The following WAC variants were observed in gnomAD, a reference collection of about 807,000 sequenced individuals.
The protein encoded by WAC is WW domain containing adaptor with coiled-coil, also known as WW domain-containing adapter protein with coiled-coil.
A neutral mutation model predicts 79.6 loss-of-function variants in WAC; 11 were observed. That is an observed-to-expected ratio of 0.14 (90% confidence interval 0.09 to 0.23). WAC has a LOEUF of 0.23. Among genes scored for constraint, WAC ranks in the 10% least tolerant of loss-of-function variants. WAC has a pLI of 1.00. For missense variants in WAC, 728 were observed against 773.5 expected (o/e 0.94, Z 0.70); for synonymous variants, 304 against 276.9 (o/e 1.10, Z -0.97).
chr10:28,566,829 G>A (rs1386296388), intron 3 of WAC, among the ~76,000 whole-genome samples: 2 of 152,152 alleles, frequency 1.3e-5, no homozygotes, highest in Non-Finnish European at 2.9e-5. Flanking sequence ...ATGAGGACAT[G>A]TGTCAGTTTT....
rs1406231243 is a variant in WAC, at chr10:28,534,012, G to A, written c.56G>A (p.Arg19Lys). The A allele has an allele frequency of 1.2e-6, 2 of 1,601,444 alleles. No individual in the cohort carries two copies. Among genetic ancestry groups the A allele is most frequent in the Admixed American group, 1.7e-5 (1 of 58,914 alleles). The change falls in exon 2 of 14, where the codon AGG (arginine) becomes AAG (lysine). Residue 19 changes from arginine to lysine, a missense_variant. Physicochemically the swap from Arg to Lys is conservative, Grantham distance 26. Coordinates refer to ENST00000354911, the MANE Select transcript of WAC (RefSeq NM_016628.5). ...CTGTTTTTCAGCTGTCACGACCGGA[G>A]GGGGGACTCGCAGCCTTACCAGGTA... ...QRLSDGCHDR[R>K]GDSQPYQALK...
intron 3 of WAC, among the ~76,000 whole-genome samples, chr10:28,537,368 C>T (rs1167159461): frequency 1.3e-5 from 2 of 152,172 alleles, no homozygotes; most frequent in Non-Finnish European, 2.9e-5. Flanking sequence ...CTAATGTTAG[C>T]TCTTGGAGAG....
chr10:28,584,429 G>A (rs1426305311), intron 4 of WAC, among the ~76,000 whole-genome samples: 2 of 152,142 alleles, frequency 1.3e-5, no homozygotes, highest in African/African-American at 2.4e-5. Flanking sequence ...GTAAGTGGGA[G>A]GCATATCATA....
intron 7 of WAC, among the ~76,000 whole-genome samples, chr10:28,600,933 C>A (rs1027003163): frequency 1.3e-5 from 2 of 151,654 alleles, no homozygotes. Flanking sequence ...GCACCATATA[C>A]AAAAATTCAC....
At chr10:28,544,946 T>C (rs899858751) in intron 3 of WAC, among the ~76,000 whole-genome samples, 1 of 148,024 alleles carries the variant, frequency 6.8e-6, no homozygotes, top group African/African-American at 2.5e-5. Flanking sequence ...ATACCTGTAA[T>C]CCCAGCTACT....
At chr10:28,538,331 C>A in intron 3 of WAC, 1 of 333,076 alleles carries the variant, frequency 3.0e-6, no homozygotes, top group Non-Finnish European at 6.4e-6. Context: ...GCCGGAATCT[C>A]AGCACTTTGG....
chr10:28,611,722 T>TTTTTG (rs1392921746), intron 9 of WAC, 52 bp from the exon 10 acceptor site: 12 of 1,593,200 alleles, frequency 7.5e-6, no homozygotes, highest in Middle Eastern at 1.7e-4. Flanking sequence ...GGACTTTAGT[T>TTTTTG]TTTTGTTTTG....
chr10:28,607,753 C>T (rs1841031542), intron 7 of WAC, among the ~76,000 whole-genome samples: 1 of 152,152 alleles, frequency 6.6e-6, no homozygotes, highest in Non-Finnish European at 1.5e-5. Flanking sequence ...TAGGTTGTTA[C>T]TGTGGCCATA....
At chr10:28,541,281 A>T (rs1249615305) in intron 3 of WAC, among the ~76,000 whole-genome samples, 1 of 152,040 alleles carries the variant, frequency 6.6e-6, no homozygotes, top group Non-Finnish European at 1.5e-5. Flanking sequence ...GTAGTGCATC[A>T]TTTTGTTATG....
chr10:28,614,451 C>G (rs1177700632), intron 10 of WAC, 116 bp from the exon 11 acceptor site: 18 of 443,802 alleles, frequency 4.1e-5, no homozygotes, highest in Non-Finnish European at 6.8e-5. Flanking sequence ...GAAATGAGAT[C>G]TAAGTTTCAG....
chr10:28,541,953 ATC>A (rs962049089), intron 3 of WAC, among the ~76,000 whole-genome samples: 11 of 152,184 alleles, frequency 7.2e-5, no homozygotes, highest in Admixed American at 3.9e-4. Flanking sequence ...GTCACCTCAC[ATC>A]TCTCTCAAGC....
chr10:28,550,359 C>T (rs969229347), intron 3 of WAC, among the ~76,000 whole-genome samples: 5 of 151,460 alleles, frequency 3.3e-5, no homozygotes, highest in Non-Finnish European at 1.5e-5. Context: ...CTCTCCACTC[C>T]TACCTCACCT....
Position 28,591,087 on chromosome 10 carries a change from T to A in WAC, c.610+255T>A, listed in dbSNP as rs72809649. 2,921 of 367,960 alleles carry A rather than the reference T, an allele frequency of 7.9e-3. 16 individuals carry two copies. The highest frequency in any genetic ancestry group is 0.012 in the Non-Finnish European group (2,414 of 202,142). The allele number at this position is 367,960 out of a possible 1,614,324, so 22.8% of individuals were successfully genotyped here. ...TGGAGTTGAATTGCAAACAGTAAAA[T>A]TTTGTTTTGGATTGGTTTCCCCTGA... On this transcript the variant is annotated intron_variant, in intron 6 of 13. Transcript: ENST00000354911.
At chr10:28,604,711 CTG>C (rs1177018813) in intron 7 of WAC, among the ~76,000 whole-genome samples, 3 of 152,188 alleles carry the variant, frequency 2.0e-5, no homozygotes, top group East Asian at 1.9e-4. Flanking sequence ...CAGAGAACGA[CTG>C]TATCTCAGGA....
rs142478323 is a variant in WAC, at chr10:28,585,606, A to G, written c.381+2101A>G. On this transcript the variant is annotated intron_variant, in intron 4 of 13. Transcript: ENST00000354911. ...GGCCAAGTGGGGAGAAGGGGGGGCA[A>G]ATCATTTTCAGTGAGATGTATATTC... Among the ~76,000 whole-genome samples the G allele has an allele frequency of 2.0e-4, 30 of 151,636 alleles. No individual in the cohort carries two copies. The East Asian group carries it at 5.8e-3, about 29-fold the overall frequency.
At chr10:28,619,495 T>A in intron 13 of WAC, 42 bp from the exon 14 acceptor site, 1 of 1,411,698 alleles carries the variant, frequency 7.1e-7, no homozygotes, top group Non-Finnish European at 9.5e-7. Flanking sequence ...CTGTAATATT[T>A]GTATATGTAC....
chr10:28,611,664 T>G (rs11007160), intron 9 of WAC, 110 bp from the exon 10 acceptor site: 1 of 1,342,654 alleles, frequency 7.4e-7, no homozygotes, highest in Non-Finnish European at 1.0e-6. Flanking sequence ...AATATGGGGG[T>G]GGGGGGGTTT....
intron 3 of WAC, among the ~76,000 whole-genome samples, chr10:28,548,311 C>T (rs1242570423): frequency 6.6e-6 from 1 of 152,130 alleles, no homozygotes; most frequent in Non-Finnish European, 1.5e-5. Context: ...AGTCATCTTC[C>T]ACACTCTTTT....
chr10:28,583,016 T>A (rs959053710), intron 3 of WAC, among the ~76,000 whole-genome samples: 1 of 152,166 alleles, frequency 6.6e-6, no homozygotes, highest in African/African-American at 2.4e-5. Context: ...TAACAGTGAC[T>A]TTTAGTTCTG....
Sources: allele counts gnomAD v4.1 joint callset (sites outside exome capture counted in the v4.1 genomes callset), GRCh38; gene constraint gnomAD v4.1.1; transcripts MANE v1.5; gene names NCBI Gene and HGNC (gene_info 2026-07-23, HGNC 2026-07-21).